The following KCNMB2 variants were observed in gnomAD, a reference collection of about 807,000 sequenced individuals.
The protein encoded by KCNMB2 is potassium calcium-activated channel subfamily M regulatory beta subunit 2.
Under a neutral mutation model 24.5 loss-of-function variants are expected in KCNMB2, and 9 were observed. The observed-to-expected ratio is 0.37, with a 90% CI of 0.22 to 0.64. The LOEUF (loss-of-function observed/expected upper bound fraction) is 0.64. Among genes scored for constraint, KCNMB2 ranks in the 30% least tolerant of loss-of-function variants. The pLI, the probability that KCNMB2 is intolerant of heterozygous loss-of-function variation, is 0.63. For synonymous variants in KCNMB2, 109 were observed against 104.4 expected (o/e 1.04, Z -0.27); for missense variants, 226 against 284.3 (o/e 0.79, Z 1.47).
intron 1 of KCNMB2, among the ~76,000 whole-genome samples, chr3:178,743,247 T>C (rs957192546): frequency 6.6e-6 from 1 of 152,184 alleles, no homozygotes; most frequent in African/African-American, 2.4e-5. Flanking sequence ...TGAATTATGC[T>C]AGGATAAATC....
intron 2 of KCNMB2, among the ~76,000 whole-genome samples, chr3:178,818,093 G>A (rs1199565148): frequency 1.3e-5 from 2 of 152,098 alleles, no homozygotes; most frequent in African/African-American, 4.8e-5. Context: ...TCCACCAGGT[G>A]CCCCATCATG....
intron 1 of KCNMB2, among the ~76,000 whole-genome samples, chr3:178,766,807 G>C (rs1436729043): frequency 6.6e-6 from 1 of 152,130 alleles, no homozygotes; most frequent in African/African-American, 2.4e-5. Flanking sequence ...TAATTTTAGA[G>C]AGTAATTAAA....
chr3:178,833,337 A>G lies in KCNMB2; in HGVS notation c.423+4964A>G, dbSNP rs77275514. On this transcript the variant is annotated intron_variant, in intron 4 of 4. Transcript: ENST00000452583. ...CCTGGGCTCTCACCCCTCTTCCACAATCAGCAAATGCTCCCAGGGAAAAAA... is the reference window on the plus strand; with the variant it reads ...CCTGGGCTCTCACCCCTCTTCCACAGTCAGCAAATGCTCCCAGGGAAAAAA... 2.8e-3 allele frequency among the ~76,000 whole-genome samples: 432 copies of G among 152,238 alleles called. 1 individual carries two copies. Among genetic ancestry groups the G allele is most frequent in the African/African-American group, 9.7e-3 (404 of 41,554 alleles).
rs560898480 is a variant in KCNMB2 at position 178,556,090 on chromosome 3, A to G, written c.-68+19379A>G. On this transcript the variant is annotated intron_variant, in intron 1 of 4. Coordinates refer to ENST00000452583, the MANE Select transcript of KCNMB2 (RefSeq NM_181361.3). ...AAAGATAACCAGAATTTAGAAGCCC[A>G]GAAAACTGGAAGGACAGTGCTGACT... Among the ~76,000 whole-genome samples, 52 of 152,326 alleles carry G rather than the reference A, an allele frequency of 3.4e-4. No homozygotes were observed. The Middle Eastern group carries it at 0.01, about 30-fold the overall frequency.
chr3:178,791,581 CAG>C (rs1713326375), intron 1 of KCNMB2, among the ~76,000 whole-genome samples: 1 of 112,836 alleles, frequency 8.9e-6, no homozygotes, highest in African/African-American at 2.6e-5. Flanking sequence ...GGGATAATAA[CAG>C]AGAAAATCCC....
At chr3:178,665,223 G>A (rs1380619941) in intron 1 of KCNMB2, among the ~76,000 whole-genome samples, 1 of 152,086 alleles carries the variant, frequency 6.6e-6, no homozygotes, top group African/African-American at 2.4e-5. Flanking sequence ...TCATAGACAG[G>A]ATTCATTTGA....
intron 1 of KCNMB2, among the ~76,000 whole-genome samples, chr3:178,772,099 C>A (rs1712393373): frequency 6.6e-6 from 1 of 152,082 alleles, no homozygotes; most frequent in Non-Finnish European, 1.5e-5. Context: ...ACTAACGATC[C>A]CCTCCTCCCA....
intron 1 of KCNMB2, among the ~76,000 whole-genome samples, chr3:178,593,271 A>G (rs965915521): frequency 6.6e-6 from 1 of 152,138 alleles, no homozygotes; most frequent in African/African-American, 2.4e-5. Flanking sequence ...AAATGATACC[A>G]GAAATGAAGT....
At chr3:178,559,221 G>A (rs1376713322) in intron 1 of KCNMB2, among the ~76,000 whole-genome samples, 4 of 152,256 alleles carry the variant, frequency 2.6e-5, no homozygotes, top group African/African-American at 9.6e-5. Context: ...GGACTTGTGA[G>A]AATGGTTTTT....
rs149480740 is a variant in KCNMB2, at chr3:178,735,811, G to T, written c.-67-71532G>T. Among the ~76,000 whole-genome samples the T allele has an allele frequency of 2.0e-5, 3 of 152,310 alleles. No homozygotes were observed. In the East Asian group the frequency reaches 5.8e-4, roughly 29 times the overall value. ...AAGAGTAAGGATTAATGGAAAAGGG[G>T]TTGGAAGAAGAGACTCACTTTTTCT... is the stretch of plus-strand genomic sequence containing the variant. On this transcript the variant is annotated intron_variant, in intron 1 of 4. Transcript: ENST00000452583.
At chr3:178,552,858 A>C (rs1420103242) in intron 1 of KCNMB2, among the ~76,000 whole-genome samples, 1 of 152,192 alleles carries the variant, frequency 6.6e-6, no homozygotes, top group Non-Finnish European at 1.5e-5. Flanking sequence ...TACCATAGTC[A>C]CTTCTGACAG....
At chr3:178,830,160 T>C (rs7652041) in intron 4 of KCNMB2, among the ~76,000 whole-genome samples, 98,238 of 152,076 alleles carry the variant, frequency 0.65, 33,627 homozygotes, top group African/African-American at 0.87. Flanking sequence ...CTTAAACATA[T>C]ATATTTTGTT....
intron 1 of KCNMB2, among the ~76,000 whole-genome samples, chr3:178,577,868 T>A (rs928318513): frequency 1.3e-5 from 2 of 152,082 alleles, no homozygotes; most frequent in Non-Finnish European, 2.9e-5. Context: ...CCAAGAAATA[T>A]GGGATTATGT....
chr3:178,586,534 C>CTTTTTTTTTTTTTTTTTT (rs1717436976), intron 1 of KCNMB2, among the ~76,000 whole-genome samples: 8 of 68,506 alleles, frequency 1.2e-4, no homozygotes, highest in Non-Finnish European at 1.7e-4. Context: ...TTTTTTTTTT[C>CTTTTTTTTTTTTTTTTTT]TTTCTTTTTT....
chr3:178,840,353 C>T (rs567400944), intron 4 of KCNMB2, among the ~76,000 whole-genome samples: 1 of 152,174 alleles, frequency 6.6e-6, no homozygotes, highest in Non-Finnish European at 1.5e-5. Flanking sequence ...TTTCTAGGCA[C>T]ACAGTGCAAG....
At chr3:178,789,771 C>G (rs377091995) in intron 1 of KCNMB2, among the ~76,000 whole-genome samples, 6 of 152,066 alleles carry the variant, frequency 3.9e-5, no homozygotes, top group African/African-American at 1.4e-4. Flanking sequence ...CCAGCTAGCT[C>G]CATCACTGTG....
intron 1 of KCNMB2, among the ~76,000 whole-genome samples, chr3:178,795,851 ACT>A (rs1713522606): frequency 6.6e-6 from 1 of 152,180 alleles, no homozygotes; most frequent in Admixed American, 6.5e-5. Context: ...GTGTGACAAG[ACT>A]CTATATCAAG....
intron 1 of KCNMB2, among the ~76,000 whole-genome samples, chr3:178,564,258 A>G (rs971251585): frequency 6.8e-6 from 1 of 146,592 alleles, no homozygotes; most frequent in African/African-American, 2.6e-5. Flanking sequence ...AGCCTGGGCG[A>G]CAGAGCGAGA....
At chr3:178,791,871 T>C (rs1475723334) in intron 1 of KCNMB2, among the ~76,000 whole-genome samples, 1 of 151,804 alleles carries the variant, frequency 6.6e-6, no homozygotes, top group African/African-American at 2.4e-5. Flanking sequence ...AAAAAAACTT[T>C]CCTCATAAAA....
Sources: allele counts gnomAD v4.1 joint callset (sites outside exome capture counted in the v4.1 genomes callset), GRCh38; gene constraint gnomAD v4.1.1; transcripts MANE v1.5; gene names NCBI Gene and HGNC (gene_info 2026-07-23, HGNC 2026-07-21).